Variants in CD44 observed in about 807,000 individuals in gnomAD.
CD44 encodes CD44 antigen.
CD44 carries 49 observed loss-of-function variants against 88.8 expected under a neutral mutation model. The ratio of observed to expected loss-of-function variants is 0.55; its 90% CI spans 0.44 to 0.70. The LOEUF is 0.70. Ranked by LOEUF, CD44 falls within the 30% of genes least tolerant of loss-of-function variation. CD44 has a pLI of 0.00. For missense variants in CD44, 883 were observed against 913.8 expected (o/e 0.97, Z 0.43); for synonymous variants, 325 against 312.3 (o/e 1.04, Z -0.43).
chr11:35,188,025 C>T (rs1459009472), intron 4 of CD44, among the ~76,000 whole-genome samples: 1 of 152,110 alleles, frequency 6.6e-6, no homozygotes, highest in Admixed American at 6.5e-5. Context: ...CTTTAGAAAT[C>T]AGAAAATCTC....
intron 12 of CD44, among the ~76,000 whole-genome samples, chr11:35,208,907 G>A (rs1324282972): frequency 6.6e-6 from 1 of 152,150 alleles, no homozygotes; most frequent in East Asian, 1.9e-4. Flanking sequence ...CACATAATGG[G>A]CAGAGTCCTT....
chr11:35,145,617 C>T (rs961245984), intron 1 of CD44, among the ~76,000 whole-genome samples: 2 of 152,024 alleles, frequency 1.3e-5, no homozygotes, highest in Non-Finnish European at 2.9e-5. Context: ...AAATTTAAGC[C>T]TCAAAACAAA....
chr11:35,177,557 T>G (rs1437029923), intron 2 of CD44, among the ~76,000 whole-genome samples: 1 of 152,216 alleles, frequency 6.6e-6, no homozygotes, highest in East Asian at 1.9e-4. Flanking sequence ...GCAGTGTCTT[T>G]AGGTAATATG....
chr11:35,149,167 T>C (rs1859811301), intron 1 of CD44, among the ~76,000 whole-genome samples: 1 of 152,212 alleles, frequency 6.6e-6, no homozygotes, highest in African/African-American at 2.4e-5. Context: ...CTTAAAATCA[T>C]GTTCTCAACA....
At chr11:35,227,165 C>T (rs558753897) in intron 17 of CD44, among the ~76,000 whole-genome samples, 6 of 152,144 alleles carry the variant, frequency 3.9e-5, no homozygotes, top group African/African-American at 1.4e-4. Context: ...GTTGGGATTA[C>T]AGGCATGAGC....
rs527664243 is a variant in CD44, at chr11:35,220,433, C to G, written c.1945+1046C>G. ...TCATCTAAACCAGGAAAAGGTGAGG[C>G]AAAGGTAGTGCTGAGCAGGAAATCA... On this transcript the variant is annotated intron_variant, in intron 16 of 17. Coordinates refer to ENST00000428726, the MANE Select transcript of CD44 (RefSeq NM_000610.4). 3.3e-5 allele frequency among the ~76,000 whole-genome samples: 5 copies of G among 152,244 alleles called. No homozygotes were observed. The South Asian group carries it at 1.0e-3, about 32-fold the overall frequency.
At chr11:35,209,941 TG>T in intron 12 of CD44, 23 bp from the exon 13 acceptor site, 1 of 1,463,936 alleles carries the variant, frequency 6.8e-7, no homozygotes, top group Non-Finnish European at 9.4e-7. Flanking sequence ...AAATTAACAC[TG>T]GATTCATTCC....
intron 1 of CD44, among the ~76,000 whole-genome samples, chr11:35,160,692 A>G (rs917369447): frequency 6.6e-6 from 1 of 152,236 alleles, no homozygotes; most frequent in African/African-American, 2.4e-5. Flanking sequence ...ACAGCTTATC[A>G]GTAAGAAGCC....
intron 1 of CD44, among the ~76,000 whole-genome samples, chr11:35,157,349 A>G (rs886711737): frequency 1.3e-5 from 2 of 151,478 alleles, no homozygotes; most frequent in African/African-American, 4.9e-5. Flanking sequence ...CTATCTATCT[A>G]TCTATCTATC....
intron 10 of CD44, 60 bp downstream of exon 10, chr11:35,204,700 A>T: frequency 7.0e-7 from 1 of 1,431,398 alleles, no homozygotes; most frequent in East Asian, 2.3e-5. Flanking sequence ...TAAACGGTAG[A>T]CATTGAGGAC....
rs1339095360 is a variant in CD44 at position 35,229,333 on chromosome 11, A to G, written c.2229A>G (p.Ter743=). Residue 743 remains the stop codon, a stop_retained_variant, in exon 18 of 18, where the codon TAA becomes TAG. Coordinates refer to ENST00000428726, the MANE Select transcript of CD44 (RefSeq NM_000610.4). ...ATGTGGACATGAAGATTGGGGTGTA[A>G]CACCTACACCATTATCTTGGAAAGA... is the stretch of plus-strand genomic sequence containing the variant. ...LQNVDMKIGV[*] 6.3e-7 allele frequency: 1 copy of G among 1,586,974 alleles called. No homozygotes were observed. The highest frequency in any genetic ancestry group is 8.7e-7 in the Non-Finnish European group (1 of 1,156,038).
chr11:35,223,468 C>T (rs897081235), intron 17 of CD44: 2 of 182,898 alleles, frequency 1.1e-5, no homozygotes, highest in Non-Finnish European at 2.1e-5. Flanking sequence ...AGCATCTCAG[C>T]TGTCCCTAAG....
At chr11:35,157,437 C>G (rs539536092) in intron 1 of CD44, among the ~76,000 whole-genome samples, 62 of 152,046 alleles carry the variant, frequency 4.1e-4, no homozygotes, top group Non-Finnish European at 7.9e-4. Context: ...TTAATTATCT[C>G]TATCTTTATC....
chr11:35,195,690 T>C (rs1277175100), intron 5 of CD44, among the ~76,000 whole-genome samples: 2 of 152,106 alleles, frequency 1.3e-5, no homozygotes, highest in East Asian at 1.9e-4. Flanking sequence ...ATGCACATTT[T>C]TGGGCATTAT....
chr11:35,189,773 G>A (rs1473908466), intron 4 of CD44, 62 bp from the exon 5 acceptor site: 13 of 1,094,604 alleles, frequency 1.2e-5, no homozygotes, highest in East Asian at 2.5e-5. Flanking sequence ...TATGTTAAAC[G>A]CTAATCCACA....
chr11:35,208,220 T>C lies in CD44; in HGVS notation c.1516+14T>C. On this transcript the variant is annotated intron_variant, in intron 12 of 17. Coordinates refer to ENST00000428726, the MANE Select transcript of CD44 (RefSeq NM_000610.4). ...CAATGACAACGCGTAAGAATAACGATGCTCAGCCACTTTATTGACTTGTAT... is the reference window on the plus strand; with the variant it reads ...CAATGACAACGCGTAAGAATAACGACGCTCAGCCACTTTATTGACTTGTAT... The C allele has an allele frequency of 2.6e-6, 4 of 1,516,382 alleles. No homozygotes were observed. Among genetic ancestry groups the C allele is most frequent in the Non-Finnish European group, 3.7e-6 (4 of 1,091,068 alleles). The allele number at this position is 1,516,382 out of a possible 1,614,324, so 93.9% of individuals were successfully genotyped here.
chr11:35,180,691 C>G (rs898777132), intron 3 of CD44, among the ~76,000 whole-genome samples: 10 of 152,132 alleles, frequency 6.6e-5, no homozygotes, highest in Admixed American at 6.6e-4. Flanking sequence ...ATAAATTACA[C>G]TAAAACTAAG....
At chr11:35,219,221 T>C in intron 15 of CD44, 95 bp from the exon 16 acceptor site, 1 of 880,426 alleles carries the variant, frequency 1.1e-6, no homozygotes, top group South Asian at 1.4e-5. Flanking sequence ...TCTCAGTGAT[T>C]CAGAATGTGG....
At chr11:35,202,026 A>G (rs1188472660) in intron 9 of CD44, among the ~76,000 whole-genome samples, 3 of 152,184 alleles carry the variant, frequency 2.0e-5, no homozygotes, top group Non-Finnish European at 4.4e-5. Flanking sequence ...TCTAGATACA[A>G]TTTTTGTGTT....
Sources: gnomAD v4.1 joint callset for allele counts (sites outside exome capture counted in the v4.1 genomes callset) on GRCh38, gnomAD v4.1.1 for gene constraint, MANE v1.5 for transcripts, NCBI Gene and HGNC (gene_info 2026-07-23, HGNC 2026-07-21) for gene names.